SNTG1: variants seen among roughly 807,000 people sequenced by gnomAD.
The protein encoded by SNTG1 is syntrophin gamma 1.
Under a neutral mutation model 74.7 loss-of-function variants are expected in SNTG1, and 39 were observed. The ratio of observed to expected loss-of-function variants is 0.52; its 90% CI spans 0.40 to 0.68. SNTG1 has a LOEUF of 0.68. Ranked by LOEUF, SNTG1 falls within the 30% of genes least tolerant of loss-of-function variation. The pLI, the probability that SNTG1 is intolerant of heterozygous loss-of-function variation, is 0.00. For missense variants in SNTG1, 685 were observed against 609.5 expected (o/e 1.12, Z -1.30); for synonymous variants, 254 against 217.1 (o/e 1.17, Z -1.49).
intron 11 of SNTG1, among the ~76,000 whole-genome samples, chr8:50,537,867 C>T (rs2094318847): frequency 1.3e-5 from 2 of 152,054 alleles, no homozygotes; most frequent in South Asian, 2.1e-4. Flanking sequence ...TCCAATAAAA[C>T]TTTTTCACAA....
At chr8:50,508,008 G>A in intron 9 of SNTG1, among the ~76,000 whole-genome samples, 1 of 151,712 alleles carries the variant, frequency 6.6e-6, no homozygotes, top group East Asian at 1.9e-4. Flanking sequence ...ATGTTGGTAT[G>A]CTGCCCCCAT....
chr8:50,630,938 A>G (rs1722165143), intron 13 of SNTG1, among the ~76,000 whole-genome samples: 1 of 152,186 alleles, frequency 6.6e-6, no homozygotes, highest in Admixed American at 6.5e-5. Context: ...TCTGGGTTTT[A>G]TGAACTAGAG....
intron 1 of SNTG1, among the ~76,000 whole-genome samples, chr8:50,097,855 T>A (rs1041004637): frequency 2.0e-5 from 3 of 152,218 alleles, no homozygotes; most frequent in African/African-American, 4.8e-5. Context: ...GAGGTGTTGC[T>A]TGTTAAGTAT....
At chr8:49,969,130 G>A (rs1017022612) in intron 1 of SNTG1, among the ~76,000 whole-genome samples, 1 of 152,140 alleles carries the variant, frequency 6.6e-6, no homozygotes, top group Non-Finnish European at 1.5e-5. Context: ...GCTTGTATGT[G>A]TGCTGCTTAA....
intron 1 of SNTG1, among the ~76,000 whole-genome samples, chr8:50,159,757 A>G (rs1019894368): frequency 1.3e-5 from 2 of 152,110 alleles, no homozygotes; most frequent in African/African-American, 4.8e-5. Context: ...TAGTGTTTCT[A>G]TGGAGTGTTC....
chr8:50,423,204 TACA>T (rs1222035015), intron 4 of SNTG1, among the ~76,000 whole-genome samples: 1 of 152,186 alleles, frequency 6.6e-6, no homozygotes, highest in Non-Finnish European at 1.5e-5. Context: ...AACAGGGAGA[TACA>T]AGGAAAATCT....
chr8:50,499,146 A>T (rs900426043), intron 8 of SNTG1, among the ~76,000 whole-genome samples: 1 of 151,740 alleles, frequency 6.6e-6, no homozygotes, highest in African/African-American at 2.4e-5. Flanking sequence ...GTCAATTTTT[A>T]TAAAAAAGTC....
chr8:50,191,380 G>A lies in SNTG1; in HGVS notation c.-28+18745G>A, dbSNP rs527589630. Among the ~76,000 whole-genome samples, 27 of 152,188 alleles carry A rather than the reference G, an allele frequency of 1.8e-4. No individual in the cohort carries two copies. The South Asian group carries it at 3.5e-3, about 20-fold the overall frequency. On this transcript the variant is annotated intron_variant, in intron 2 of 18. Transcript: ENST00000642720. ...ATCGTTGCTAATTTTGAAATATTGG[G>A]TTATCAGCATAGGATGCTCTAATAT...
rs376411713 is a variant in SNTG1 at position 50,080,948 on chromosome 8, ATTTTC to A, written c.-102-91605_-102-91601del. Among the ~76,000 whole-genome samples the A allele has an allele frequency of 3.4e-4, 52 of 152,154 alleles. No individual in the cohort carries two copies. In the East Asian group the frequency reaches 9.1e-3, roughly 27 times the overall value. On this transcript the variant is annotated intron_variant, in intron 1 of 18. Coordinates refer to ENST00000642720, the MANE Select transcript of SNTG1 (RefSeq NM_018967.5). ...AAATATATCAATTTTGCTCCAACTT[ATTTTC>A]TTTTCTTCCTACCTCTTTTGTGCTA...
At chr8:50,011,510 CTCTTAAGTATT>C (rs1815791953) in intron 1 of SNTG1, among the ~76,000 whole-genome samples, 1 of 151,826 alleles carries the variant, frequency 6.6e-6, no homozygotes, top group African/African-American at 2.4e-5. Context: ...TGTTTTTAAC[CTCTTAAGTATT>C]TCTTTATTAC....
intron 1 of SNTG1, among the ~76,000 whole-genome samples, chr8:49,927,846 G>A (rs936896595): frequency 2.0e-5 from 3 of 152,028 alleles, no homozygotes; most frequent in Non-Finnish European, 4.4e-5. Context: ...GGCTGGGAGT[G>A]GTGGCTCAAG....
intron 15 of SNTG1, among the ~76,000 whole-genome samples, chr8:50,673,552 C>G (rs536493416): frequency 1.3e-5 from 2 of 152,186 alleles, no homozygotes; most frequent in South Asian, 4.1e-4. Context: ...GCTGAAGTTG[C>G]TTATGAGTTT....
chr8:50,411,321 G>C (rs985138999), intron 4 of SNTG1, among the ~76,000 whole-genome samples: 1 of 151,686 alleles, frequency 6.6e-6, no homozygotes, highest in African/African-American at 2.4e-5. Context: ...GGTGGCGGGC[G>C]CCTGTAGTGC....
chr8:50,223,464 A>G (rs935544133), intron 2 of SNTG1, among the ~76,000 whole-genome samples: 1 of 152,156 alleles, frequency 6.6e-6, no homozygotes, highest in Non-Finnish European at 1.5e-5. Flanking sequence ...ATATATAAAA[A>G]TATCATAGGA....
rs180740237 is a variant in SNTG1, at chr8:50,356,450, C to T, written c.-27-37762C>T. 3.2e-3 allele frequency among the ~76,000 whole-genome samples: 493 copies of T among 152,266 alleles called. 2 individuals carry two copies. Among genetic ancestry groups the T allele is most frequent in the Non-Finnish European group, 5.9e-3 (403 of 68,030 alleles). ...TTCTATTGAGCAAATGCTCTATACT[C>T]TTTGTCTTAGTCCATTTGTGCTGCT... On this transcript the variant is annotated intron_variant, in intron 2 of 18. Coordinates refer to ENST00000642720, the MANE Select transcript of SNTG1 (RefSeq NM_018967.5).
At chr8:49,966,154 G>T (rs946556930) in intron 1 of SNTG1, among the ~76,000 whole-genome samples, 5 of 151,958 alleles carry the variant, frequency 3.3e-5, no homozygotes, top group African/African-American at 1.2e-4. Context: ...GAAAATCTGA[G>T]AAAAAAATAG....
chr8:50,439,864 A>G (rs2093342496), intron 5 of SNTG1, among the ~76,000 whole-genome samples: 2 of 151,700 alleles, frequency 1.3e-5, no homozygotes, highest in South Asian at 4.1e-4. Flanking sequence ...TGAACCAGGC[A>G]CTAACTCTAT....
At chr8:50,287,781 T>A (rs2088865918) in intron 2 of SNTG1, among the ~76,000 whole-genome samples, 1 of 152,120 alleles carries the variant, frequency 6.6e-6, no homozygotes, top group Non-Finnish European at 1.5e-5. Flanking sequence ...TCATAACTCA[T>A]CTATCTCCTC....
chr8:50,534,071 T>C (rs2094290213), intron 10 of SNTG1, among the ~76,000 whole-genome samples: 1 of 152,230 alleles, frequency 6.6e-6, no homozygotes, highest in African/African-American at 2.4e-5. Context: ...TGAAGTTATA[T>C]AACCAAAATG....
Sources: gnomAD v4.1 joint callset for allele counts (sites outside exome capture counted in the v4.1 genomes callset) on GRCh38, gnomAD v4.1.1 for gene constraint, MANE v1.5 for transcripts, NCBI Gene and HGNC (gene_info 2026-07-23, HGNC 2026-07-21) for gene names.